Variants in PLD5 observed in about 807,000 individuals in gnomAD.
PLD5 encodes the protein inactive phospholipase D5.
In PLD5, 36 loss-of-function variants were observed where a neutral mutation model predicts 61.1. The observed-to-expected ratio is 0.59, with a 90% CI of 0.45 to 0.78. The LOEUF is 0.78. Among genes scored for constraint, PLD5 ranks in the 30% least tolerant of loss-of-function variants. The pLI, the probability that PLD5 is intolerant of heterozygous loss-of-function variation, is 0.00. For synonymous variants in PLD5, 243 were observed against 242.8 expected, an observed-to-expected ratio of 1.00 and a Z score of -0.01; for missense variants, 515 against 644.4, an observed-to-expected ratio of 0.80 and a Z score of 2.17.
intron 5 of PLD5, among the ~76,000 whole-genome samples, chr1:242,132,190 T>TTC (rs1663317112): frequency 1.0e-4 from 1 of 9,686 alleles, no homozygotes; most frequent in African/African-American, 4.7e-4. Context: ...ATGCAGTGAT[T>TTC]GCGGGGGGGG....
At chr1:242,384,865 A>C (rs1444691992) in intron 1 of PLD5, among the ~76,000 whole-genome samples, 1 of 152,338 alleles carries the variant, frequency 6.6e-6, no homozygotes, top group South Asian at 2.1e-4. Context: ...ACTAAAAGAA[A>C]CAACACATGC....
chr1:242,096,299 C>T (rs376765237), intron 9 of PLD5, among the ~76,000 whole-genome samples: 14 of 151,568 alleles, frequency 9.2e-5, no homozygotes, highest in South Asian at 8.4e-4. Flanking sequence ...TCAGAAGTAT[C>T]GATCGATCGA....
At chr1:242,325,997 C>T (rs1283719603) in intron 2 of PLD5, among the ~76,000 whole-genome samples, 1 of 152,154 alleles carries the variant, frequency 6.6e-6, no homozygotes, top group Non-Finnish European at 1.5e-5. Flanking sequence ...AAGTGATCTA[C>T]ACATCTCAGC....
At chr1:242,445,153 C>T (rs964646893) in intron 1 of PLD5, among the ~76,000 whole-genome samples, 1 of 152,064 alleles carries the variant, frequency 6.6e-6, no homozygotes, top group African/African-American at 2.4e-5. Context: ...TTGAAGGCTC[C>T]GCCATCACTA....
intron 1 of PLD5, among the ~76,000 whole-genome samples, chr1:242,451,680 G>A (rs902324769): frequency 7.9e-5 from 12 of 151,698 alleles, no homozygotes; most frequent in African/African-American, 1.2e-4. Context: ...GGCTGGTCTC[G>A]AACTCCTGAG....
intron 5 of PLD5, among the ~76,000 whole-genome samples, chr1:242,202,075 C>T (rs976949782): frequency 1.2e-4 from 19 of 152,026 alleles, no homozygotes; most frequent in Non-Finnish European, 5.9e-5. Context: ...ATTAGCCAGG[C>T]ATGTAGCACA....
chr1:242,382,544 A>C (rs1447831907), intron 1 of PLD5, among the ~76,000 whole-genome samples: 1 of 152,166 alleles, frequency 6.6e-6, no homozygotes, highest in Non-Finnish European at 1.5e-5. Flanking sequence ...CAAGTTGCTA[A>C]GCTGTCAAAT....
chr1:242,417,555 A>G (rs1408891959), intron 1 of PLD5, among the ~76,000 whole-genome samples: 4 of 152,258 alleles, frequency 2.6e-5, no homozygotes, highest in African/African-American at 9.6e-5. Context: ...TGTGTGGGGT[A>G]GCCCTGCTCC....
chr1:242,394,886 GTA>G (rs200014477), intron 1 of PLD5, among the ~76,000 whole-genome samples: 13,575 of 94,670 alleles, frequency 0.14, 2,266 homozygotes, highest in Admixed American at 0.23. Flanking sequence ...ATGAATATAT[GTA>G]TATATATGAT....
chr1:242,333,339 G>T (rs746189114), intron 2 of PLD5, among the ~76,000 whole-genome samples: 3 of 151,792 alleles, frequency 2.0e-5, no homozygotes, highest in African/African-American at 7.3e-5. Context: ...CATCTTAAAG[G>T]CTTGCAAAAT....
chr1:242,396,616 T>C (rs560775033), intron 1 of PLD5, among the ~76,000 whole-genome samples: 174 of 152,180 alleles, frequency 1.1e-3, no homozygotes, highest in African/African-American at 3.9e-3. Flanking sequence ...TCTCACACTT[T>C]GAAAATTTGT....
At chr1:242,434,956 T>C (rs1471802266) in intron 1 of PLD5, among the ~76,000 whole-genome samples, 10 of 152,300 alleles carry the variant, frequency 6.6e-5, no homozygotes, top group Admixed American at 6.5e-4. Context: ...CATGGTGGTT[T>C]GCAGCATCTA....
chr1:242,274,625 G>A (rs898623708), intron 3 of PLD5, among the ~76,000 whole-genome samples: 3 of 152,100 alleles, frequency 2.0e-5, no homozygotes, highest in Non-Finnish European at 2.9e-5. Context: ...GTGGTGGCGG[G>A]CGCCTGTAGT....
intron 2 of PLD5, among the ~76,000 whole-genome samples, chr1:242,335,460 A>G (rs1659448770): frequency 6.6e-6 from 1 of 152,210 alleles, no homozygotes; most frequent in Admixed American, 6.5e-5. Context: ...GTAAGAACGG[A>G]CTACCAAGAT....
chr1:242,491,202 TTC>T (rs1226636219), intron 1 of PLD5, among the ~76,000 whole-genome samples: 1 of 152,248 alleles, frequency 6.6e-6, no homozygotes, highest in African/African-American at 2.4e-5. Flanking sequence ...AGCAACTTCT[TTC>T]TCTGTCTTAG....
chr1:242,373,528 T>C (rs552490554), intron 1 of PLD5, among the ~76,000 whole-genome samples: 2 of 152,256 alleles, frequency 1.3e-5, no homozygotes, highest in East Asian at 1.9e-4. Context: ...CTATTCACAA[T>C]AGCAGAGACC....
At position 242,220,714 on chromosome 1, in the gene PLD5, ATTTTATTT is replaced by A. The variant is rs1558361418; in HGVS notation, c.608-607_608-600del. Among the ~76,000 whole-genome samples, 327 of 134,074 alleles carry A rather than the reference ATTTTATTT, an allele frequency of 2.4e-3. 8 individuals carry two copies. The East Asian group carries it at 0.034, about 14-fold the overall frequency. 88.0% of individuals were successfully genotyped at this position (134,074 alleles called of 152,430 possible). A position where few individuals can be genotyped will look rare whatever the true frequency, so the allele number is the denominator to read the frequency against. On this transcript the variant is annotated intron_variant, in intron 4 of 9. Transcript: ENST00000536534. ...TAGTATTTTTTTTAATTTATATTTTATTTTATTTTATTTTATTTTATTTTATTTTATTT... is the reference window on the plus strand; with the variant it reads ...TAGTATTTTTTTTAATTTATATTTTATATTTTATTTTATTTTATTTTATTT...
intron 9 of PLD5, among the ~76,000 whole-genome samples, chr1:242,094,783 C>A (rs1660095278): frequency 6.6e-6 from 1 of 152,068 alleles, no homozygotes; most frequent in Admixed American, 6.6e-5. Flanking sequence ...CTCATAGCAC[C>A]ACTGAAGGGT....
At chr1:242,320,188 T>A (rs551845513) in intron 2 of PLD5, among the ~76,000 whole-genome samples, 1 of 152,230 alleles carries the variant, frequency 6.6e-6, no homozygotes, top group Non-Finnish European at 1.5e-5. Context: ...TACAAAAAAA[T>A]TAACATCCAT....
Sources: gnomAD v4.1 joint callset for allele counts (sites outside exome capture counted in the v4.1 genomes callset) on GRCh38, gnomAD v4.1.1 for gene constraint, MANE v1.5 for transcripts, NCBI Gene and HGNC (gene_info 2026-07-23, HGNC 2026-07-21) for gene names.